WWOX: variants seen among roughly 807,000 people sequenced by gnomAD.
The protein encoded by WWOX is WW domain containing oxidoreductase, also known as WW domain-containing oxidoreductase.
In WWOX, 69 loss-of-function variants were observed where a neutral mutation model predicts 46.2. That is an observed-to-expected ratio of 1.49 (90% CI 1.23 to 1.82). The LOEUF is 1.82. WWOX is among the 40% of genes most tolerant of loss of function. The pLI is 0.00. For synonymous variants in WWOX, 359 were observed against 202.6 expected (o/e 1.77, Z -6.56); for missense variants, 919 against 542.6 (o/e 1.69, Z -6.89).
At chr16:78,412,697 G>C (rs1363311715) in intron 6 of WWOX, among the ~76,000 whole-genome samples, 1 of 152,122 alleles carries the variant, frequency 6.6e-6, no homozygotes, top group Non-Finnish European at 1.5e-5. Context: ...GCAGAGAGGA[G>C]GTTGCTGAAT....
chr16:78,474,322 G>A (rs1231659523), intron 8 of WWOX, among the ~76,000 whole-genome samples: 2 of 152,176 alleles, frequency 1.3e-5, no homozygotes. Context: ...TTTGATTTCA[G>A]CACCTTTCTG....
At chr16:78,171,375 G>C (rs1165128715) in intron 5 of WWOX, among the ~76,000 whole-genome samples, 1 of 152,094 alleles carries the variant, frequency 6.6e-6, no homozygotes, top group African/African-American at 2.4e-5. Context: ...CACTGTTTGT[G>C]GGAATTCCAT....
At chr16:78,489,058 A>G (rs1401713828) in intron 8 of WWOX, among the ~76,000 whole-genome samples, 1 of 152,102 alleles carries the variant, frequency 6.6e-6, no homozygotes, top group Admixed American at 6.5e-5. Flanking sequence ...TCAGGAGATC[A>G]ATAGTTATCT....
intron 8 of WWOX, among the ~76,000 whole-genome samples, chr16:78,557,582 T>G (rs925942852): frequency 6.6e-6 from 1 of 152,024 alleles, no homozygotes; most frequent in Non-Finnish European, 1.5e-5. Flanking sequence ...GCACTATAGC[T>G]GAAGAGGATG....
intron 8 of WWOX, among the ~76,000 whole-genome samples, chr16:78,666,214 G>T (rs2047329760): frequency 6.6e-6 from 1 of 152,088 alleles, no homozygotes; most frequent in South Asian, 2.1e-4. Context: ...TGGAGCCCGG[G>T]AGGTCAAGGC....
intron 8 of WWOX, among the ~76,000 whole-genome samples, chr16:78,634,433 C>T (rs1011480166): frequency 5.9e-5 from 9 of 152,214 alleles, no homozygotes; most frequent in African/African-American, 1.9e-4. Flanking sequence ...GACAGCCGGG[C>T]GCAGTGGCTC....
At chr16:78,464,300 G>A (rs1242216248) in intron 8 of WWOX, among the ~76,000 whole-genome samples, 1 of 151,654 alleles carries the variant, frequency 6.6e-6, no homozygotes, top group Non-Finnish European at 1.5e-5. Flanking sequence ...GAAAAAGGGA[G>A]AAGGAAAGAG....
chr16:78,930,446 T>C (rs2045599144), intron 8 of WWOX, among the ~76,000 whole-genome samples: 1 of 128,176 alleles, frequency 7.8e-6, no homozygotes, highest in Non-Finnish European at 1.6e-5. Flanking sequence ...CCCAGCTAGC[T>C]AATTTTTTTT....
At chr16:78,487,640 T>A (rs1327818903) in intron 8 of WWOX, among the ~76,000 whole-genome samples, 2 of 152,106 alleles carry the variant, frequency 1.3e-5, no homozygotes, top group African/African-American at 4.8e-5. Context: ...TTGGAGATGT[T>A]TAGTAACATC....
chr16:79,070,311 C>T lies in WWOX; in HGVS notation c.1057-141297C>T, dbSNP rs201335877. Reference sequence around the variant, plus strand: ...GTGTGTGTGTGTGTGTGTGTGTTTTCCAGAAACCAACTGGGAAGGGCCCTA... The same window carrying T: ...GTGTGTGTGTGTGTGTGTGTGTTTTTCAGAAACCAACTGGGAAGGGCCCTA... On this transcript the variant is annotated intron_variant, in intron 8 of 8. Transcript: ENST00000566780. 8.8e-5 allele frequency among the ~76,000 whole-genome samples: 12 copies of T among 136,582 alleles called. No homozygotes were observed. The East Asian group carries it at 2.5e-3, about 29-fold the overall frequency. 89.6% of individuals were successfully genotyped at this position (136,582 alleles called of 152,430 possible).
chr16:78,992,790 G>C (rs575001258), intron 8 of WWOX, among the ~76,000 whole-genome samples: 1 of 152,138 alleles, frequency 6.6e-6, no homozygotes, highest in African/African-American at 2.4e-5. Context: ...AGCCCTCCTT[G>C]AGGGACATAA....
intron 8 of WWOX, among the ~76,000 whole-genome samples, chr16:78,649,617 C>T (rs1161496736): frequency 3.3e-5 from 5 of 152,200 alleles, no homozygotes; most frequent in African/African-American, 1.2e-4. Context: ...CTTGGCCTTT[C>T]CCACCTCTTA....
chr16:78,195,890 G>A (rs2036037006), intron 5 of WWOX, among the ~76,000 whole-genome samples: 2 of 149,688 alleles, frequency 1.3e-5, no homozygotes, highest in African/African-American at 4.9e-5. Context: ...GAAAAAGATT[G>A]AATTCCGTTC....
chr16:78,693,349 C>G (rs906030842), intron 8 of WWOX, among the ~76,000 whole-genome samples: 39 of 152,254 alleles, frequency 2.6e-4, no homozygotes, highest in Middle Eastern at 6.8e-3. Context: ...TCTCAGTGTT[C>G]CAGTTAATTT....
At chr16:78,435,625 G>T (rs1359722353) in intron 8 of WWOX, among the ~76,000 whole-genome samples, 1 of 152,150 alleles carries the variant, frequency 6.6e-6, no homozygotes, top group Non-Finnish European at 1.5e-5. Flanking sequence ...AAAGGGCACT[G>T]GACGTGAGCA....
At chr16:78,774,526 G>C (rs994663127) in intron 8 of WWOX, among the ~76,000 whole-genome samples, 3 of 148,632 alleles carry the variant, frequency 2.0e-5, no homozygotes, top group African/African-American at 7.6e-5. Flanking sequence ...GTGTGTGTGT[G>C]TGTGTGCGCG....
chr16:78,811,840 C>G (rs1415535163), intron 8 of WWOX, among the ~76,000 whole-genome samples: 5 of 152,186 alleles, frequency 3.3e-5, no homozygotes, highest in South Asian at 2.1e-4. Context: ...CATTCAGTCC[C>G]TAACACTTGG....
In WWOX at chr16:78,349,825, G is replaced by T. The variant is rs76716392; in HGVS notation, c.517-37035G>T. 1.2e-3 allele frequency among the ~76,000 whole-genome samples: 147 copies of T among 120,954 alleles called. 5 individuals are homozygous for T. In the East Asian group the frequency reaches 0.027, roughly 23 times the overall value. 79.4% of individuals were successfully genotyped at this position (120,954 alleles called of 152,430 possible). A position where few individuals can be genotyped will look rare whatever the true frequency, so the allele number is the denominator to read the frequency against. On this transcript the variant is annotated intron_variant, in intron 5 of 8. Coordinates refer to ENST00000566780, the MANE Select transcript of WWOX (RefSeq NM_016373.4). ...GCAAGCCCAGTGATTGGAAAACAAT[G>T]ACTCAACTTTGAGCTATATTGATTT...
At chr16:78,575,454 A>T (rs1241967480) in intron 8 of WWOX, among the ~76,000 whole-genome samples, 2 of 151,852 alleles carry the variant, frequency 1.3e-5, no homozygotes, top group East Asian at 2.0e-4. Context: ...CTCCTGAGGG[A>T]TGCTCAGGAA....
Sources: allele counts gnomAD v4.1 joint callset (sites outside exome capture counted in the v4.1 genomes callset), GRCh38; gene constraint gnomAD v4.1.1; transcripts MANE v1.5; gene names NCBI Gene and HGNC (gene_info 2026-07-23, HGNC 2026-07-21).